Variants in PDYN observed in about 807,000 individuals in gnomAD.
The protein encoded by PDYN is proenkephalin-B.
PDYN carries 5 observed loss-of-function variants against 11.4 expected under a neutral mutation model. That is an observed-to-expected ratio of 0.44 (90% CI 0.23 to 0.92). The LOEUF is 0.92. Among genes scored for constraint, PDYN ranks in the 40% least tolerant of loss-of-function variants. The probability of loss-of-function intolerance (pLI) is 0.24; values close to 1 mark genes in which losing one functional copy is unlikely to be tolerated. For missense variants in PDYN, 337 were observed against 317.3 expected (o/e 1.06, Z -0.47); for synonymous variants, 132 against 129.5 (o/e 1.02, Z -0.13).
chr20:1,983,663 A>C (rs1987975017), intron 2 of PDYN, among the ~76,000 whole-genome samples: 2 of 150,338 alleles, frequency 1.3e-5, no homozygotes, highest in African/African-American at 2.5e-5. Flanking sequence ...CTCCACCTTC[A>C]CTCCCTCTCC....
At chr20:1,989,335 G>T (rs1374847515) in intron 2 of PDYN, among the ~76,000 whole-genome samples, 1 of 152,030 alleles carries the variant, frequency 6.6e-6, no homozygotes, top group Non-Finnish European at 1.5e-5. Context: ...GCTTGCCTTG[G>T]GATTTACCTT....
At chr20:1,986,956 A>C (rs975468283) in intron 2 of PDYN, among the ~76,000 whole-genome samples, 2 of 152,192 alleles carry the variant, frequency 1.3e-5, no homozygotes, top group African/African-American at 4.8e-5. Context: ...CAGGAAGTCT[A>C]TCTGGATTAG....
At chr20:1,988,516 G>T (rs537114976) in intron 2 of PDYN, among the ~76,000 whole-genome samples, 1 of 152,250 alleles carries the variant, frequency 6.6e-6, no homozygotes, top group East Asian at 1.9e-4. Context: ...TGTCTGATTA[G>T]GGATGGGCCA....
At chr20:1,981,479 T>C (rs1372049290) in intron 3 of PDYN, among the ~76,000 whole-genome samples, 2 of 152,110 alleles carry the variant, frequency 1.3e-5, no homozygotes, top group Non-Finnish European at 2.9e-5. Flanking sequence ...CATTCAATCA[T>C]AATGACGATG....
At position 1,980,380 on chromosome 20, in the gene PDYN, C is replaced by T. The variant is rs150953132; in HGVS notation, c.708G>A (p.Val236=). The part of the protein sequence containing the change: ...YGGFLRRQFK[V]VTRSQEDPNA... ...TCGGATCTTCCTGAGACCGAGTCAC[C>T]ACCTTGAACTGGCGCCGGAGAAAAC... Residue 236 remains valine, a synonymous_variant, in exon 4 of 4, where the codon GTG becomes GTA. Coordinates refer to ENST00000217305, the MANE Select transcript of PDYN (RefSeq NM_024411.5). 23 of 1,614,032 alleles carry T rather than the reference C, an allele frequency of 1.4e-5. No individual in the cohort carries two copies. The highest frequency in any genetic ancestry group is 1.9e-5 in the Non-Finnish European group (23 of 1,180,052).
At chr20:1,986,727 G>A (rs1426425678) in intron 2 of PDYN, among the ~76,000 whole-genome samples, 1 of 152,228 alleles carries the variant, frequency 6.6e-6, no homozygotes, top group Non-Finnish European at 1.5e-5. Context: ...CAAGTACACA[G>A]CACCCAGACA....
chr20:1,981,247 C>T (rs1349937727), intron 3 of PDYN, among the ~76,000 whole-genome samples: 1 of 152,222 alleles, frequency 6.6e-6, no homozygotes, highest in African/African-American at 2.4e-5. Flanking sequence ...TCTGCGTGCT[C>T]ACCTTTCCCC....
At chr20:1,984,964 C>T (rs775027290) in intron 2 of PDYN, among the ~76,000 whole-genome samples, 13 of 152,054 alleles carry the variant, frequency 8.5e-5, no homozygotes, top group African/African-American at 2.7e-4. Flanking sequence ...CTCAGGGCCT[C>T]GATATTTGAT....
In PDYN at chr20:1,980,456, A is replaced by C; in HGVS notation, c.632T>G (p.Leu211Trp). 6.2e-7 allele frequency: 1 copy of C among 1,614,114 alleles called. No homozygotes were observed. The highest frequency in any genetic ancestry group is 8.5e-7 in the Non-Finnish European group (1 of 1,180,010). Residue 211 changes from leucine to tryptophan, a missense_variant, in exon 4 of 4, where the codon TTG becomes TGG. Leu to Trp is a moderately conservative substitution (Grantham distance 61). Transcript: ENST00000217305. ...EDLYKRYGGF[L>W]RRIRPKLKWD... ...CTTGAGCTTGGGACGAATGCGCCGCAAGAAGCCCCCATAGCGTTTGTACAG... is the reference window on the plus strand; with the variant it reads ...CTTGAGCTTGGGACGAATGCGCCGCCAGAAGCCCCCATAGCGTTTGTACAG...
At position 1,980,896 on chromosome 20, in the gene PDYN, G is replaced by A. The variant is rs1987729572; in HGVS notation, c.192C>T (p.Ser64=). Residue 64 remains serine (S), a synonymous_variant, in exon 4 of 4, where the codon AGC becomes AGT. Coordinates refer to ENST00000217305, the MANE Select transcript of PDYN (RefSeq NM_024411.5). Reference sequence around the variant, plus strand: ...TGGAGGGGGTGAAAAAAGACAGAAAGCTCTGGCATCTCTCCCATTCCTCAG... The same window carrying A: ...TGGAGGGGGTGAAAAAAGACAGAAAACTCTGGCATCTCTCCCATTCCTCAG... The part of the protein sequence containing the change: ...LPSEEWERCQ[S]FLSFFTPSTL... 2 of 1,614,054 alleles carry A rather than the reference G, an allele frequency of 1.2e-6. No individual in the cohort carries two copies. Among genetic ancestry groups the A allele is most frequent in the Admixed American group, 3.3e-5 (2 of 60,004 alleles).
intron 2 of PDYN, among the ~76,000 whole-genome samples, chr20:1,985,838 G>A (rs868514064): frequency 9.9e-5 from 15 of 152,120 alleles, no homozygotes; most frequent in African/African-American, 2.9e-4. Flanking sequence ...CATACAAAGC[G>A]GGCAGCTCAT....
At chr20:1,982,581 C>T (rs1054307833) in intron 3 of PDYN, among the ~76,000 whole-genome samples, 2 of 152,156 alleles carry the variant, frequency 1.3e-5, no homozygotes, top group Admixed American at 6.5e-5. Context: ...GACAGCTCCT[C>T]TCATGGAACT....
chr20:1,981,078 G>T, intron 3 of PDYN, 120 bp from the exon 4 acceptor site: 2 of 1,099,704 alleles, frequency 1.8e-6, no homozygotes, highest in Non-Finnish European at 2.7e-6. Context: ...TAAGCCCTGG[G>T]CTACCCATGT....
At position 1,980,980 on chromosome 20, in the gene PDYN, C is replaced by T. The variant is rs373560670; in HGVS notation, c.130-22G>A. 7 of 1,613,030 alleles carry T rather than the reference C, an allele frequency of 4.3e-6. No homozygotes were observed. In the African/African-American group the frequency reaches 8.0e-5, roughly 18 times the overall value. On this transcript the variant is annotated intron_variant, in intron 3 of 3. Transcript: ENST00000217305. ...AAATCTGCAAAAGACCCAAAAAGACCACAGTGGCAAATGATCAAAACACAT... is the reference window on the plus strand; with the variant it reads ...AAATCTGCAAAAGACCCAAAAAGACTACAGTGGCAAATGATCAAAACACAT...
chr20:1,985,372 G>A (rs925066911), intron 2 of PDYN, among the ~76,000 whole-genome samples: 2 of 151,750 alleles, frequency 1.3e-5, no homozygotes, highest in Non-Finnish European at 2.9e-5. Context: ...TTCTGGTCTG[G>A]TGAATTGCCC....
At chr20:1,988,793 C>T (rs935606340) in intron 2 of PDYN, among the ~76,000 whole-genome samples, 4 of 152,146 alleles carry the variant, frequency 2.6e-5, no homozygotes, top group African/African-American at 2.4e-5. Context: ...GGTGATTCTC[C>T]CCTAACAGGT....
At chr20:1,981,074 C>A in intron 3 of PDYN, 116 bp from the exon 4 acceptor site, 1 of 1,125,986 alleles carries the variant, frequency 8.9e-7, no homozygotes, top group Non-Finnish European at 1.3e-6. Context: ...CTGCTAAGCC[C>A]TGGGCTACCC....
intron 2 of PDYN, among the ~76,000 whole-genome samples, chr20:1,983,850 C>T (rs1987993131): frequency 6.6e-6 from 1 of 152,222 alleles, no homozygotes; most frequent in African/African-American, 2.4e-5. Context: ...CACTTCAGCT[C>T]TGGGCTCCAA....
At chr20:1,988,749 C>T (rs1409038335) in intron 2 of PDYN, among the ~76,000 whole-genome samples, 1 of 152,122 alleles carries the variant, frequency 6.6e-6, no homozygotes, top group Non-Finnish European at 1.5e-5. Context: ...TTGTAATAGC[C>T]CAGTAGGGGA....
Sources: gnomAD v4.1 joint callset for allele counts (sites outside exome capture counted in the v4.1 genomes callset) on GRCh38, gnomAD v4.1.1 for gene constraint, MANE v1.5 for transcripts, NCBI Gene and HGNC (gene_info 2026-07-23, HGNC 2026-07-21) for gene names.